FAM184A: variants seen among roughly 807,000 people sequenced by gnomAD.
The protein encoded by FAM184A is family with sequence similarity 184 member A.
FAM184A carries 99 observed loss-of-function variants against 143.8 expected under a neutral mutation model. That is an observed-to-expected ratio of 0.69 (90% confidence interval 0.58 to 0.81). FAM184A has a LOEUF of 0.81. FAM184A is among the 40% of genes least tolerant of loss of function. The pLI, the probability that FAM184A is intolerant of heterozygous loss-of-function variation, is 0.00. For missense variants in FAM184A, 1,217 were observed against 1,310.5 expected (o/e 0.93, Z 1.10); for synonymous variants, 427 against 446.4 (o/e 0.96, Z 0.55).
intron 4 of FAM184A, among the ~76,000 whole-genome samples, chr6:119,018,478 C>A (rs1304609324): frequency 1.3e-5 from 2 of 152,106 alleles, no homozygotes; most frequent in African/African-American, 4.8e-5. Flanking sequence ...TGCAGCTAAG[C>A]AGTCTGGATA....
chr6:119,034,542 ATTCT>A (rs1328125285), intron 1 of FAM184A, among the ~76,000 whole-genome samples: 2 of 150,628 alleles, frequency 1.3e-5, no homozygotes, highest in African/African-American at 4.9e-5. Flanking sequence ...GAGTCGTCAT[ATTCT>A]TTGTCTGTTT....
intron 1 of FAM184A, among the ~76,000 whole-genome samples, chr6:119,123,037 TACTGTGCATTCTCCATGG>T (rs1202735391): frequency 6.7e-6 from 1 of 148,644 alleles, no homozygotes; most frequent in Non-Finnish European, 1.5e-5. Context: ...TGAAAACCCT[TACTGTGCATTCTCCATGG>T]ACTGGCCAGA....
intron 1 of FAM184A, among the ~76,000 whole-genome samples, chr6:119,052,747 T>G (rs12526935): frequency 0.47 from 71,047 of 152,060 alleles, 17,996 homozygotes; most frequent in East Asian, 0.74. Context: ...GAAGCAGCAC[T>G]AGCTGAAAGA....
rs78125835 is a variant in FAM184A at position 118,975,213 on chromosome 6, T to TAA, written c.2584-7_2584-6dup. The TAA allele has an allele frequency of 1.6e-3, 2,031 of 1,280,874 alleles. No individual in the cohort carries two copies. Among genetic ancestry groups the TAA allele is most frequent in the African/African-American group, 3.4e-3 (219 of 64,700 alleles). The allele number at this position is 1,280,874 out of a possible 1,614,324, so 79.3% of individuals were successfully genotyped here. A position where few individuals can be genotyped will look rare whatever the true frequency, so the allele number is the denominator to read the frequency against. On this transcript the variant is annotated splice_polypyrimidine_tract_variant and splice_region_variant and intron_variant, in intron 12 of 17. Transcript: ENST00000338891. ...TCTACATATGTGCTCCTTACTCTGT[T>TAA]AAAAAAAAAAAGTCATTTTTAGAAG...
At chr6:119,125,056 C>T (rs1196144255) in intron 1 of FAM184A, among the ~76,000 whole-genome samples, 1 of 152,136 alleles carries the variant, frequency 6.6e-6, no homozygotes, top group Non-Finnish European at 1.5e-5. Context: ...GTGTTATTTA[C>T]AAATCATTCT....
At chr6:119,012,159 C>T (rs1360781108) in intron 5 of FAM184A, among the ~76,000 whole-genome samples, 1 of 152,126 alleles carries the variant, frequency 6.6e-6, no homozygotes, top group Non-Finnish European at 1.5e-5. Flanking sequence ...ACATCACATT[C>T]TAGGCACGGG....
intron 1 of FAM184A, among the ~76,000 whole-genome samples, chr6:119,028,685 C>A (rs76382313): frequency 0.011 from 1,643 of 152,296 alleles, 20 homozygotes; most frequent in Middle Eastern, 0.031. Context: ...CTTCTGTACC[C>A]TATAAATGGG....
rs182510692 is a variant in FAM184A at position 119,020,576 on chromosome 6, C to T, written c.1151-417G>A. On this transcript the variant is annotated intron_variant, in intron 3 of 17. Coordinates refer to ENST00000338891, the MANE Select transcript of FAM184A (RefSeq NM_024581.6). ...CACTGTGGCGCCAAAATGAGTGATT[C>T]GTTCTTTTCTAATTTATTTTCAAAT... Among the ~76,000 whole-genome samples, 506 of 152,168 alleles carry T rather than the reference C, an allele frequency of 3.3e-3. 5 individuals carry two copies. Among genetic ancestry groups the T allele is most frequent in the African/African-American group, 0.012 (494 of 41,536 alleles).
In FAM184A at chr6:118,974,420, T is replaced by C. The variant is rs1259594952; in HGVS notation, c.2915+8A>G. On this transcript the variant is annotated splice_region_variant and intron_variant, in intron 14 of 17. Coordinates refer to ENST00000338891, the MANE Select transcript of FAM184A (RefSeq NM_024581.6). ...CACATATGAATTTTCTTATATAATA[T>C]GACTTACGACACTTGTAAAGCGGCA... The C allele has an allele frequency of 6.9e-6, 11 of 1,603,018 alleles. No homozygotes were observed. The highest frequency in any genetic ancestry group is 9.4e-6 in the Non-Finnish European group (11 of 1,175,692).
intron 17 of FAM184A, 137 bp from the exon 18 acceptor site, chr6:118,960,321 C>T: frequency 3.1e-6 from 2 of 646,372 alleles, no homozygotes; most frequent in Admixed American, 5.6e-5. Context: ...AGATTTGCTA[C>T]CCCCTCTATA....
At chr6:119,122,230 C>T (rs566193099) in intron 1 of FAM184A, among the ~76,000 whole-genome samples, 10 of 152,168 alleles carry the variant, frequency 6.6e-5, no homozygotes, top group South Asian at 6.2e-4. Flanking sequence ...CAGGGAGAAG[C>T]GGAAAAAGGC....
At chr6:118,996,438 G>A (rs1216306209) in intron 9 of FAM184A, among the ~76,000 whole-genome samples, 1 of 152,188 alleles carries the variant, frequency 6.6e-6, no homozygotes, top group Non-Finnish European at 1.5e-5. Flanking sequence ...CTAAGAAAGT[G>A]AAATTAGGTC....
chr6:119,083,986 C>T (rs140654515), intron 1 of FAM184A, among the ~76,000 whole-genome samples: 1,715 of 152,238 alleles, frequency 0.011, 20 homozygotes, highest in South Asian at 0.045. Context: ...GTTTAATTGA[C>T]TCACAGTTCC....
chr6:119,010,348 A>G (rs1244384817), intron 6 of FAM184A, among the ~76,000 whole-genome samples: 1 of 152,164 alleles, frequency 6.6e-6, no homozygotes, highest in Non-Finnish European at 1.5e-5. Context: ...TTGAATCCCC[A>G]TCAGCAGTTT....
intron 1 of FAM184A, among the ~76,000 whole-genome samples, chr6:119,064,553 A>C (rs552258573): frequency 2.6e-4 from 39 of 152,236 alleles, no homozygotes; most frequent in Admixed American, 1.2e-3. Context: ...CACACACACA[A>C]AAATTAGCTG....
intron 9 of FAM184A, among the ~76,000 whole-genome samples, chr6:118,994,116 G>T (rs1169569908): frequency 1.3e-5 from 2 of 152,064 alleles, no homozygotes; most frequent in African/African-American, 4.8e-5. Context: ...CCTTCCCCAA[G>T]TTACACATGA....
chr6:119,050,679 G>T (rs184973707), intron 1 of FAM184A, among the ~76,000 whole-genome samples: 1 of 152,034 alleles, frequency 6.6e-6, no homozygotes, highest in Non-Finnish European at 1.5e-5. Context: ...GGTGGCGGGC[G>T]CTGTAGTCCC....
At chr6:119,104,437 C>G (rs892453538) in intron 1 of FAM184A, among the ~76,000 whole-genome samples, 1 of 152,200 alleles carries the variant, frequency 6.6e-6, no homozygotes, top group African/African-American at 2.4e-5. Context: ...AGGATAATGT[C>G]TCAGGTTTGC....
intron 1 of FAM184A, among the ~76,000 whole-genome samples, chr6:119,056,767 C>T (rs919960052): frequency 3.9e-5 from 6 of 152,168 alleles, no homozygotes; most frequent in Middle Eastern, 3.4e-3. Context: ...ACCACTAGAC[C>T]GCTAACCTCC....
Sources: gnomAD v4.1 joint callset for allele counts (sites outside exome capture counted in the v4.1 genomes callset) on GRCh38, gnomAD v4.1.1 for gene constraint, MANE v1.5 for transcripts, NCBI Gene and HGNC (gene_info 2026-07-23, HGNC 2026-07-21) for gene names.